RAF1: variants seen among roughly 807,000 people sequenced by gnomAD.
The protein encoded by RAF1 is Raf-1 proto-oncogene, serine/threonine kinase, also known as RAF proto-oncogene serine/threonine-protein kinase.
In RAF1, 27 loss-of-function variants were observed where a neutral mutation model predicts 81.1. That is an observed-to-expected ratio of 0.33 (90% CI 0.25 to 0.46). The LOEUF (loss-of-function observed/expected upper bound fraction) is 0.46, where lower values mean the gene tolerates loss of function less well. Among genes scored for constraint, RAF1 ranks in the 20% least tolerant of loss-of-function variants. The pLI, the probability that RAF1 is intolerant of heterozygous loss-of-function variation, is 1.00. For synonymous variants in RAF1, 298 were observed against 294.0 expected, an observed-to-expected ratio of 1.01 and a Z score of -0.14; for missense variants, 598 against 826.0, an observed-to-expected ratio of 0.72 and a Z score of 3.38.
intron 1 of RAF1, among the ~76,000 whole-genome samples, chr3:12,619,547 A>G (rs1367122362): frequency 1.3e-5 from 2 of 149,828 alleles, no homozygotes; most frequent in Non-Finnish European, 3.0e-5. Context: ...GCTGGGGGAC[A>G]AGAGCGAGAC....
intron 1 of RAF1, among the ~76,000 whole-genome samples, chr3:12,663,604 G>A (rs981384471): frequency 4.3e-4 from 65 of 152,382 alleles, no homozygotes; most frequent in African/African-American, 1.4e-3. Context: ...TGAGTGGGAT[G>A]TGGGAACTCG....
intron 1 of RAF1, among the ~76,000 whole-genome samples, chr3:12,650,212 T>TACTCAGGA (rs1235606338): frequency 6.9e-6 from 1 of 145,482 alleles, no homozygotes; most frequent in East Asian, 2.2e-4. Flanking sequence ...CAGTCCCAGC[T>TACTCAGGA]ACTCAGGAGG....
chr3:12,603,921 T>C (rs1304453846), intron 7 of RAF1, among the ~76,000 whole-genome samples: 1 of 152,238 alleles, frequency 6.6e-6, no homozygotes, highest in East Asian at 1.9e-4. Flanking sequence ...TAACATTTTT[T>C]CAGGAAGTTT....
At position 12,608,561 on chromosome 3, in the gene RAF1, A is replaced by G. The variant is rs878981503; in HGVS notation, c.581+205T>C. The G allele has an allele frequency of 8.1e-6, 5 of 616,762 alleles. No individual in the cohort carries two copies. In the South Asian group the frequency reaches 9.3e-5, roughly 11 times the overall value. 38.2% of individuals were successfully genotyped at this position (616,762 alleles called of 1,614,324 possible). Reference sequence around the variant, plus strand: ...CTCAATTTGACAGATAACAAGTCCTACTCCTACCTGCTCATTCTGGAGTAT... The same window carrying G: ...CTCAATTTGACAGATAACAAGTCCTGCTCCTACCTGCTCATTCTGGAGTAT... On this transcript the variant is annotated intron_variant, in intron 5 of 17. Transcript: ENST00000442415.
chr3:12,633,934 C>CA (rs35322613), intron 1 of RAF1, among the ~76,000 whole-genome samples: 7,306 of 95,348 alleles, frequency 0.077, 335 homozygotes, highest in Admixed American at 0.18. Context: ...AAAACTCTCT[C>CA]AAAAAAAAAA....
rs1368534003 is a variant in RAF1, at chr3:12,618,737, A to G, written c.-16T>C. 1 of 1,613,240 alleles carries G rather than the reference A, an allele frequency of 6.2e-7. No homozygotes were observed. Among genetic ancestry groups the G allele is most frequent in the East Asian group, 2.2e-5 (1 of 44,896 alleles). ...TGTGCTCCATTGATGCAGCTTAAAC[A>G]ATTCTTAAACCTGGTAAGAAACACA... On this transcript the variant is annotated 5_prime_UTR_variant, in exon 2 of 18. Coordinates refer to ENST00000442415, the MANE Select transcript of RAF1 (RefSeq NM_001354689.3).
chr3:12,652,270 C>A (rs2060555793), intron 1 of RAF1, among the ~76,000 whole-genome samples: 3 of 151,938 alleles, frequency 2.0e-5, no homozygotes, highest in Admixed American at 2.0e-4. Context: ...CACCTGTAAT[C>A]CCAGAACTTT....
Position 12,618,617 on chromosome 3 carries a change from C to T in RAF1, c.105G>A (p.Gln35=), listed in dbSNP as rs2125453227. 1.2e-6 allele frequency: 2 copies of T among 1,614,210 alleles called. No homozygotes were observed. Among genetic ancestry groups the T allele is most frequent in the Non-Finnish European group, 8.5e-7 (1 of 1,180,042 alleles). The change falls in exon 2 of 18, where the codon CAG becomes CAA. Residue 35 remains glutamine (Q), a synonymous_variant. Transcript: ENST00000442415. Reference sequence around the variant, plus strand: ...CTGATGCCCGGCGCTGATAGCCAAACTGCTGAACTATTGTAGGAGAGATGC... The same window carrying T: ...CTGATGCCCGGCGCTGATAGCCAAATTGCTGAACTATTGTAGGAGAGATGC...
chr3:12,631,789 C>T (rs2059869608), intron 1 of RAF1, among the ~76,000 whole-genome samples: 1 of 152,152 alleles, frequency 6.6e-6, no homozygotes, highest in Non-Finnish European at 1.5e-5. Context: ...ATACAGACAG[C>T]ATAAGCATGA....
chr3:12,602,452 A>C (rs1168574503), intron 8 of RAF1, among the ~76,000 whole-genome samples: 2 of 152,208 alleles, frequency 1.3e-5, no homozygotes, highest in Non-Finnish European at 2.9e-5. Context: ...CCTGGGCTCA[A>C]GTAATCCTCC....
At chr3:12,586,842 A>G (rs2058348064) in intron 14 of RAF1, 1 of 152,054 alleles carries the variant, frequency 6.6e-6, no homozygotes, top group Non-Finnish European at 1.5e-5. Context: ...CATTTTATTT[A>G]TTTATTTTTT....
intron 1 of RAF1, among the ~76,000 whole-genome samples, chr3:12,628,226 CGAGGTACGAAGATCACTTAGGCCCAG>C (rs1435755278): frequency 1.3e-5 from 2 of 152,208 alleles, no homozygotes; most frequent in Non-Finnish European, 2.9e-5. Flanking sequence ...TTCGGGAGAC[CGAGGTACGAAGATCACTTAGGCCCAG>C]GAGTTTGAGA....
chr3:12,648,626 G>C (rs1366435596), intron 1 of RAF1, among the ~76,000 whole-genome samples: 1 of 152,078 alleles, frequency 6.6e-6, no homozygotes, highest in African/African-American at 2.4e-5. Context: ...GTGCACACCT[G>C]TATTCCCTAC....
intron 1 of RAF1, among the ~76,000 whole-genome samples, chr3:12,625,875 C>T (rs73130368): frequency 0.21 from 32,066 of 151,944 alleles, 3,631 homozygotes; most frequent in African/African-American, 0.29. Context: ...GTCAGTGTCA[C>T]CTGTCACCAA....
At position 12,600,138 on chromosome 3, in the gene RAF1, T is replaced by C. The variant is rs187924091; in HGVS notation, c.1050+14A>G. 10 of 1,614,010 alleles carry C rather than the reference T, an allele frequency of 6.2e-6. No homozygotes were observed. Among genetic ancestry groups the C allele is most frequent in the African/African-American group, 5.3e-5 (4 of 75,064 alleles). ...GAACCCTAATTGGCAGGAGGTACTGTTGTCTATACTCACAATTTTGTTTTT... is the reference window on the plus strand; with the variant it reads ...GAACCCTAATTGGCAGGAGGTACTGCTGTCTATACTCACAATTTTGTTTTT... On this transcript the variant is annotated intron_variant, in intron 10 of 17. Transcript: ENST00000442415.
chr3:12,647,576 A>AGAGT, intron 1 of RAF1, among the ~76,000 whole-genome samples: 1 of 151,716 alleles, frequency 6.6e-6, no homozygotes, highest in East Asian at 1.9e-4. Context: ...CCTGGGCAAC[A>AGAGT]GAGTGAGACC....
At chr3:12,660,920 G>C (rs1390889555) in intron 1 of RAF1, among the ~76,000 whole-genome samples, 2 of 152,158 alleles carry the variant, frequency 1.3e-5, no homozygotes, top group Non-Finnish European at 1.5e-5. Context: ...GTCGCAGTGA[G>C]CCAAGATCGC....
At position 12,608,840 on chromosome 3, in the gene RAF1, G is replaced by C. The variant is rs1309333776; in HGVS notation, c.507C>G (p.Gly169=). 2.5e-6 allele frequency: 4 copies of C among 1,614,016 alleles called. No individual in the cohort carries two copies. Among genetic ancestry groups the C allele is most frequent in the East Asian group, 2.2e-5 (1 of 44,892 alleles). Residue 169 remains glycine, a synonymous_variant, in exon 5 of 18, where the codon GGC becomes GGG. Transcript: ENST00000442415. ...TGCTACAGTGCTCATGAAATTTGTA[G>C]CCACAAGTCTGACATCGAAATCCAT...
chr3:12,627,021 CAAA>C (rs34692000), intron 1 of RAF1, among the ~76,000 whole-genome samples: 3 of 77,018 alleles, frequency 3.9e-5, no homozygotes, highest in African/African-American at 4.3e-5. Flanking sequence ...GACTCTGTCT[CAAA>C]AAAAAAAAAA....
Sources: gnomAD v4.1 joint callset for allele counts (sites outside exome capture counted in the v4.1 genomes callset) on GRCh38, gnomAD v4.1.1 for gene constraint, MANE v1.5 for transcripts, NCBI Gene and HGNC (gene_info 2026-07-23, HGNC 2026-07-21) for gene names.